Variants in NUP133 observed in about 807,000 individuals in gnomAD.
NUP133 encodes nuclear pore complex protein Nup133.
In NUP133, 66 loss-of-function variants were observed where a neutral mutation model predicts 146.2. The ratio of observed to expected loss-of-function variants is 0.45; its 90% confidence interval spans 0.37 to 0.55. The LOEUF is 0.55. NUP133 is among the 20% of genes least tolerant of loss of function. The probability of loss-of-function intolerance (pLI) is 0.00; values close to 1 mark genes in which losing one functional copy is unlikely to be tolerated. For missense variants in NUP133, 1,277 were observed against 1,374.8 expected (o/e 0.93, Z 1.12); for synonymous variants, 521 against 498.8 (o/e 1.04, Z -0.59).
chr1:229,453,745 T>C (rs1191726279), intron 21 of NUP133, among the ~76,000 whole-genome samples: 1 of 152,232 alleles, frequency 6.6e-6, no homozygotes. Context: ...TGTGATTTAA[T>C]GCTGCCTATT....
intron 8 of NUP133, among the ~76,000 whole-genome samples, chr1:229,493,570 T>C (rs1661576316): frequency 6.6e-6 from 1 of 152,200 alleles, no homozygotes; most frequent in African/African-American, 2.4e-5. Context: ...ACAGACACTA[T>C]TCTTAAAATA....
In NUP133 at chr1:229,450,621, A is replaced by G. The variant is rs1324043368; in HGVS notation, c.3100-16T>C. The G allele has an allele frequency of 7.6e-7, 1 of 1,323,646 alleles. No individual in the cohort carries two copies. The highest frequency in any genetic ancestry group is 2.0e-5 in the Admixed American group (1 of 50,282). The allele number at this position is 1,323,646 out of a possible 1,614,324, so 82.0% of individuals were successfully genotyped here. A position where few individuals can be genotyped will look rare whatever the true frequency, so the allele number is the denominator to read the frequency against. The stretch of plus-strand genomic sequence containing the variant: ...AGATATATAGCTATGACAAGTTAAA[A>G]TAAGGTAGAAGATTATACAATCATG... On this transcript the variant is annotated splice_polypyrimidine_tract_variant and intron_variant, in intron 22 of 25. Transcript: ENST00000261396.
At chr1:229,449,851 T>TATA (rs1660401047) in intron 23 of NUP133, among the ~76,000 whole-genome samples, 1 of 67,622 alleles carries the variant, frequency 1.5e-5, no homozygotes, top group Admixed American at 2.0e-4. Flanking sequence ...TATGAAGATT[T>TATA]TATATATATA....
chr1:229,476,848 C>T (rs1036016841), intron 13 of NUP133, among the ~76,000 whole-genome samples: 3 of 148,764 alleles, frequency 2.0e-5, no homozygotes, highest in Non-Finnish European at 4.4e-5. Context: ...CACTTGAACC[C>T]AGGAGGTGGA....
In NUP133 at chr1:229,458,195, G is replaced by C. The variant is rs780637016; in HGVS notation, c.2946C>G (p.Asp982Glu). 1 of 1,613,562 alleles carries C rather than the reference G, an allele frequency of 6.2e-7. No homozygotes were observed. The highest frequency in any genetic ancestry group is 1.1e-5 in the South Asian group (1 of 91,040). ...GLSKLAALASDFSEDMLQEKI... is the reference protein window; with the variant it reads ...GLSKLAALASEFSEDMLQEKI... ...TTTCTTGTAGCATATCCTCTGAAAAGTCTGAAGCTAATGCAGCCAATTTAC... is the reference window on the plus strand; with the variant it reads ...TTTCTTGTAGCATATCCTCTGAAAACTCTGAAGCTAATGCAGCCAATTTAC... The change falls in exon 21 of 26, where the codon GAC becomes GAG. Residue 982 changes from aspartate to glutamate, a missense_variant. Asp to Glu is a conservative substitution (Grantham distance 45). Coordinates refer to ENST00000261396, the MANE Select transcript of NUP133 (RefSeq NM_018230.3).
At chr1:229,493,143 T>G (rs1160030563) in intron 8 of NUP133, among the ~76,000 whole-genome samples, 1 of 152,180 alleles carries the variant, frequency 6.6e-6, no homozygotes, top group Non-Finnish European at 1.5e-5. Context: ...CTAAACTTTG[T>G]ATTAGTAATC....
intron 3 of NUP133, 65 bp from the exon 4 acceptor site, chr1:229,500,928 T>C (rs932361826): frequency 1.0e-5 from 10 of 960,498 alleles, no homozygotes; most frequent in African/African-American, 1.6e-5. Context: ...ATGCATCTGA[T>C]TTCCCTTCTC....
chr1:229,473,782 G>C (rs924268265), intron 14 of NUP133, among the ~76,000 whole-genome samples: 3 of 152,146 alleles, frequency 2.0e-5, no homozygotes, highest in Admixed American at 2.0e-4. Flanking sequence ...AAATTAGCCA[G>C]GTTCAGCACC....
chr1:229,450,739 T>TTTG (rs111922560), intron 22 of NUP133, 134 bp from the exon 23 acceptor site: 73,876 of 469,558 alleles, frequency 0.16, 5,979 homozygotes, highest in Middle Eastern at 0.22. Context: ...TTGTTTGTTT[T>TTTG]TTTTGAGACA....
intron 13 of NUP133, among the ~76,000 whole-genome samples, chr1:229,476,899 G>C (rs1319081796): frequency 1.4e-5 from 2 of 148,102 alleles, no homozygotes; most frequent in African/African-American, 5.2e-5. Flanking sequence ...ATTCCAGTCT[G>C]GGTGACAAAG....
chr1:229,498,033 T>A, intron 6 of NUP133, 103 bp downstream of exon 6: 1 of 726,110 alleles, frequency 1.4e-6, no homozygotes, highest in Non-Finnish European at 2.1e-6. Context: ...TTATTTCGCA[T>A]AAGCTACTGT....
At chr1:229,482,720 A>T (rs1299330745) in intron 12 of NUP133, among the ~76,000 whole-genome samples, 1 of 152,180 alleles carries the variant, frequency 6.6e-6, no homozygotes, top group Non-Finnish European at 1.5e-5. Context: ...GCACGCTCTC[A>T]CTACAGCTGG....
intron 8 of NUP133, among the ~76,000 whole-genome samples, chr1:229,494,683 G>C (rs1019071700): frequency 6.6e-6 from 1 of 152,182 alleles, no homozygotes; most frequent in Non-Finnish European, 1.5e-5. Context: ...CTGTTTCTAA[G>C]AGGAAATTTA....
chr1:229,473,138 T>C (rs1375375629), intron 14 of NUP133, among the ~76,000 whole-genome samples: 1 of 151,762 alleles, frequency 6.6e-6, no homozygotes, highest in Non-Finnish European at 1.5e-5. Flanking sequence ...TGTGGTCCCA[T>C]CTATTGGGGA....
rs557929163 is a variant in NUP133, at chr1:229,482,973, G to A, written c.1592+1081C>T. 3.6e-3 allele frequency among the ~76,000 whole-genome samples: 544 copies of A among 152,314 alleles called. 3 individuals are homozygous for A. Among genetic ancestry groups the A allele is most frequent in the Non-Finnish European group, 6.4e-3 (436 of 68,036 alleles). On this transcript the variant is annotated intron_variant, in intron 12 of 25. Coordinates refer to ENST00000261396, the MANE Select transcript of NUP133 (RefSeq NM_018230.3). ...AGACCAAAATGAGTGAGCCTACTCC[G>A]AAAAGTAAAACTGCCCCGAGTCCAG...
At chr1:229,459,134 T>C (rs890007465) in intron 20 of NUP133, among the ~76,000 whole-genome samples, 16 of 152,186 alleles carry the variant, frequency 1.1e-4, no homozygotes, top group African/African-American at 1.7e-4. Context: ...TACCTATCAC[T>C]GTGGTGAGAA....
intron 12 of NUP133, among the ~76,000 whole-genome samples, chr1:229,478,912 G>T (rs2102768686): frequency 6.6e-6 from 1 of 152,286 alleles, no homozygotes; most frequent in Non-Finnish European, 1.5e-5. Flanking sequence ...GAAAAATCCA[G>T]TTAGGAGGTT....
At position 229,486,398 on chromosome 1, in the gene NUP133, T is replaced by C. The variant is rs1478817793; in HGVS notation, c.1473A>G (p.Ala491=). ...CACTGTTTGGTCCAGCAACTGAAGATGCTAAAGACCCTTCCAAGTCTTCTG... is the reference window on the plus strand; with the variant it reads ...CACTGTTTGGTCCAGCAACTGAAGACGCTAAAGACCCTTCCAAGTCTTCTG... ...ILAEDLEGSL[A]SSVAGPNSES... Residue 491 remains alanine (A), a synonymous_variant, in exon 11 of 26, where the codon GCA becomes GCG. Coordinates refer to ENST00000261396, the MANE Select transcript of NUP133 (RefSeq NM_018230.3). 1 of 1,596,438 alleles carries C rather than the reference T, an allele frequency of 6.3e-7. No individual in the cohort carries two copies. The highest frequency in any genetic ancestry group is 8.5e-7 in the Non-Finnish European group (1 of 1,176,098).
At position 229,487,456 on chromosome 1, in the gene NUP133, G is replaced by A; in HGVS notation, c.1342+10C>T. The stretch of plus-strand genomic sequence containing the variant: ...CTCACCAATCATGCTTTCTAAAACT[G>A]CTACTGTACCTTGTGCATTAAAGAC... On this transcript the variant is annotated intron_variant, in intron 10 of 25. Coordinates refer to ENST00000261396, the MANE Select transcript of NUP133 (RefSeq NM_018230.3). 6.2e-7 allele frequency: 1 copy of A among 1,607,384 alleles called. No individual in the cohort carries two copies. The highest frequency in any genetic ancestry group is 8.5e-7 in the Non-Finnish European group (1 of 1,178,594).
Sources: allele counts gnomAD v4.1 joint callset (sites outside exome capture counted in the v4.1 genomes callset), GRCh38; gene constraint gnomAD v4.1.1; transcripts MANE v1.5; gene names NCBI Gene and HGNC (gene_info 2026-07-23, HGNC 2026-07-21).